The following MYO16 variants were observed in gnomAD, a reference collection of about 807,000 sequenced individuals.
The protein encoded by MYO16 is unconventional myosin-XVI.
A neutral mutation model predicts 205.3 loss-of-function variants in MYO16; 94 were observed. The observed-to-expected ratio is 0.46, with a 90% CI of 0.39 to 0.54. The LOEUF (loss-of-function observed/expected upper bound fraction) is 0.54, where lower values mean the gene tolerates loss of function less well. Among genes scored for constraint, MYO16 ranks in the 20% least tolerant of loss-of-function variants. The pLI, the probability that MYO16 is intolerant of heterozygous loss-of-function variation, is 0.00. For synonymous variants in MYO16, 988 were observed against 954.0 expected, an observed-to-expected ratio of 1.04 and a Z score of -0.66; for missense variants, 2,315 against 2,387.5, an observed-to-expected ratio of 0.97 and a Z score of 0.63.
chr13:109,133,044 C>T (rs772381963), intron 31 of MYO16, among the ~76,000 whole-genome samples: 2 of 152,126 alleles, frequency 1.3e-5, no homozygotes, highest in Non-Finnish European at 2.9e-5. Context: ...AAGATGGGGG[C>T]ATGGAAGGCA....
At chr13:109,021,929 T>C (rs796315828) in intron 23 of MYO16, among the ~76,000 whole-genome samples, 45 of 151,714 alleles carry the variant, frequency 3.0e-4, no homozygotes, top group African/African-American at 1.1e-3. Context: ...AAGGGGTCAA[T>C]AGGAAATGTA....
chr13:108,829,388 G>A (rs1231032743), intron 9 of MYO16, among the ~76,000 whole-genome samples: 1 of 152,206 alleles, frequency 6.6e-6, no homozygotes, highest in East Asian at 1.9e-4. Flanking sequence ...AAGAAGAATG[G>A]CTTTGTAGCT....
intron 22 of MYO16, among the ~76,000 whole-genome samples, chr13:109,009,367 A>G (rs1195762725): frequency 6.6e-6 from 1 of 152,204 alleles, no homozygotes; most frequent in Non-Finnish European, 1.5e-5. Flanking sequence ...TTATAAAATA[A>G]TACCTAAGAT....
chr13:109,161,621 A>G lies in MYO16; in HGVS notation c.5165-3280A>G, dbSNP rs148220583. 2.1e-3 allele frequency among the ~76,000 whole-genome samples: 318 copies of G among 152,342 alleles called. 1 individual carries two copies. Among genetic ancestry groups the G allele is most frequent in the African/African-American group, 7.3e-3 (302 of 41,572 alleles). On this transcript the variant is annotated intron_variant, in intron 32 of 34. Coordinates refer to ENST00000457511, the MANE Select transcript of MYO16 (RefSeq NM_001198950.3). ...GTGAGGAAGTATCATGCTGACCATTAGTTCTTATGCCTTACGTTAAGAAGG... is the reference window on the plus strand; with the variant it reads ...GTGAGGAAGTATCATGCTGACCATTGGTTCTTATGCCTTACGTTAAGAAGG...
intron 1 of MYO16, among the ~76,000 whole-genome samples, chr13:108,630,115 A>G (rs746534413): frequency 2.9e-4 from 44 of 151,434 alleles, no homozygotes; most frequent in Non-Finnish European, 6.0e-4. Flanking sequence ...GCTTTTTAAA[A>G]AAAATGATTC....
chr13:108,498,415 T>C, the MYO16 span, among the ~76,000 whole-genome samples: 9 of 151,234 alleles, frequency 6.0e-5, no homozygotes, highest in Admixed American at 2.6e-4. Flanking sequence ...GGAGAGAGAG[T>C]GATTTGATTA....
chr13:109,205,886 A>C (rs1455112190), intron 34 of MYO16, among the ~76,000 whole-genome samples: 1 of 152,214 alleles, frequency 6.6e-6, no homozygotes, highest in Admixed American at 6.5e-5. Context: ...ACAGTTGCTA[A>C]TTTAGCTCAT....
In MYO16 at chr13:109,141,337, C is replaced by T. The variant is rs1290980109; in HGVS notation, c.5125C>T (p.Arg1709Trp). Residue 1709 changes from arginine (R) to tryptophan (W), a missense_variant, in exon 32 of 35, where the codon CGG becomes TGG. Physicochemically the swap from Arg to Trp is moderately radical, Grantham distance 101. Coordinates refer to ENST00000457511, the MANE Select transcript of MYO16 (RefSeq NM_001198950.3). The surrounding 1 kb of genome is among the most constrained non-coding windows in gnomAD (Gnocchi z 4.1). Reference sequence around the variant, plus strand: ...CTTCAACTCGGGGAGGAGTGTGCTTCGGAAATCCGCGGCGGGAAGAAAAAT... The same window carrying T: ...CTTCAACTCGGGGAGGAGTGTGCTTTGGAAATCCGCGGCGGGAAGAAAAAT... The part of the protein sequence containing the change: ...SLFNSGRSVL[R>W]KSAAGRKIRE... 1.3e-6 allele frequency: 2 copies of T among 1,557,292 alleles called. No individual in the cohort carries two copies. The highest frequency in any genetic ancestry group is 2.0e-5 in the Admixed American group (1 of 49,934).
chr13:109,109,275 C>T (rs955546142), intron 28 of MYO16, among the ~76,000 whole-genome samples: 6 of 152,166 alleles, frequency 3.9e-5, no homozygotes, highest in South Asian at 2.1e-4. Context: ...ATTACTAACA[C>T]GTTTTTCTTC....
upstream of MYO16, among the ~76,000 whole-genome samples, chr13:108,626,845 G>GTATA (rs931454056): frequency 2.1e-5 from 3 of 146,062 alleles, no homozygotes; most frequent in African/African-American, 7.5e-5. Context: ...ATATGTGTGT[G>GTATA]TATATATATA....
intron 1 of MYO16, among the ~76,000 whole-genome samples, chr13:108,608,603 A>G (rs769068023): frequency 6.6e-6 from 1 of 152,088 alleles, no homozygotes; most frequent in Non-Finnish European, 1.5e-5. Context: ...ACATAAATAC[A>G]TATATATCAG....
At chr13:108,746,102 A>T (rs1259152557) in intron 4 of MYO16, among the ~76,000 whole-genome samples, 1 of 152,078 alleles carries the variant, frequency 6.6e-6, no homozygotes, top group Non-Finnish European at 1.5e-5. Context: ...CTGAGGCAGG[A>T]GAATGGCATG....
intron 21 of MYO16, 35 bp downstream of exon 21, chr13:108,992,483 G>C: frequency 1.5e-6 from 2 of 1,350,962 alleles, no homozygotes; most frequent in Non-Finnish European, 1.1e-6. Flanking sequence ...GTGTGAACTT[G>C]AATGGCTTTT....
At chr13:108,598,702 C>G (rs935007292) in intron 1 of MYO16, among the ~76,000 whole-genome samples, 3 of 152,130 alleles carry the variant, frequency 2.0e-5, no homozygotes, top group African/African-American at 7.2e-5. Context: ...AGTATGATCT[C>G]CTCTCGCACC....
the MYO16 span, among the ~76,000 whole-genome samples, chr13:108,582,742 G>T: frequency 6.6e-6 from 1 of 152,122 alleles, no homozygotes; most frequent in Non-Finnish European, 1.5e-5. Flanking sequence ...GGTTTAGGAT[G>T]AAGATGAAGA....
upstream of MYO16, among the ~76,000 whole-genome samples, chr13:108,625,206 C>T (rs1424999514): frequency 1.3e-5 from 2 of 152,138 alleles, no homozygotes; most frequent in Non-Finnish European, 1.5e-5. Context: ...TGTGAGACTA[C>T]GTGAAGCTGA....
At position 108,910,169 on chromosome 13, in the gene MYO16, T is replaced by G. The variant is rs1280532225; in HGVS notation, c.1925+19T>G. On this transcript the variant is annotated intron_variant, in intron 16 of 34. Transcript: ENST00000457511. ...CACACCGGTGAGTGACTAAGTATTTTGTATCTAAAAGCTATGCCTTCAAAT... is the reference window on the plus strand; with the variant it reads ...CACACCGGTGAGTGACTAAGTATTTGGTATCTAAAAGCTATGCCTTCAAAT... 1 of 1,604,584 alleles carries G rather than the reference T, an allele frequency of 6.2e-7. No homozygotes were observed. The highest frequency in any genetic ancestry group is 2.2e-5 in the East Asian group (1 of 44,722).
chr13:109,117,505 A>G (rs1254290465), intron 28 of MYO16, among the ~76,000 whole-genome samples: 2 of 148,244 alleles, frequency 1.3e-5, no homozygotes, highest in Non-Finnish European at 3.0e-5. Context: ...ATATATATGT[A>G]TATATGTATG....
At chr13:109,012,579 C>A (rs1762531329) in intron 22 of MYO16, among the ~76,000 whole-genome samples, 1 of 151,956 alleles carries the variant, frequency 6.6e-6, no homozygotes, top group African/African-American at 2.4e-5. Flanking sequence ...GAAACCATCC[C>A]CCCCACCCCT....
Sources: gnomAD v4.1 joint callset for allele counts (sites outside exome capture counted in the v4.1 genomes callset) on GRCh38, gnomAD v4.1.1 for gene constraint, Gnocchi (gnomAD v3.1) non-coding constraint, MANE v1.5 for transcripts, NCBI Gene and HGNC (gene_info 2026-07-23, HGNC 2026-07-21) for gene names.